The following LRRC28 variants were observed in gnomAD, a reference collection of about 807,000 sequenced individuals.
The protein encoded by LRRC28 is leucine-rich repeat-containing protein 28.
LRRC28 carries 39 observed loss-of-function variants against 45.7 expected under a neutral mutation model. The ratio of observed to expected loss-of-function variants is 0.85; its 90% CI spans 0.66 to 1.12. The LOEUF (loss-of-function observed/expected upper bound fraction) is 1.12. Ranked by LOEUF, LRRC28 falls within the 50% of genes most tolerant of loss-of-function variation. The pLI is 0.00. For missense variants in LRRC28, 435 were observed against 438.5 expected (o/e 0.99, Z 0.07); for synonymous variants, 206 against 178.8 (o/e 1.15, Z -1.22).
Position 99,361,327 on chromosome 15 carries a change from T to C in LRRC28, c.696-9T>C. 2 of 1,607,386 alleles carry C rather than the reference T, an allele frequency of 1.2e-6. No individual in the cohort carries two copies. Among genetic ancestry groups the C allele is most frequent in the Non-Finnish European group, 1.7e-6 (2 of 1,177,566 alleles). ...GCTAATAATACTGTGAATGTGTGTC[T>C]TTCTGCAGCTGTGGTGCTCCCATTC... On this transcript the variant is annotated splice_polypyrimidine_tract_variant and intron_variant, in intron 7 of 9. Transcript: ENST00000301981.
intron 5 of LRRC28, among the ~76,000 whole-genome samples, chr15:99,318,408 G>C (rs1955673823): frequency 6.6e-6 from 1 of 151,980 alleles, no homozygotes; most frequent in African/African-American, 2.4e-5. Flanking sequence ...TGTGTGTGAG[G>C]AGGCACCATT....
At chr15:99,258,702 C>A in intron 2 of LRRC28, 1 of 713,176 alleles carries the variant, frequency 1.4e-6, no homozygotes, top group South Asian at 1.4e-5. Context: ...AAATCATTTT[C>A]AAAGGAAAGT....
chr15:99,359,561 A>T (rs551531783), intron 7 of LRRC28, among the ~76,000 whole-genome samples: 6 of 152,196 alleles, frequency 3.9e-5, no homozygotes, highest in Non-Finnish European at 7.4e-5. Flanking sequence ...TTTCTTACCA[A>T]TCTTTTTGGA....
chr15:99,310,647 T>G (rs2152263997), intron 5 of LRRC28, among the ~76,000 whole-genome samples: 1 of 152,278 alleles, frequency 6.6e-6, no homozygotes. Context: ...AAATCGAGGG[T>G]GTTGAAAATT....
At chr15:99,298,149 C>T (rs950875017) in intron 5 of LRRC28, among the ~76,000 whole-genome samples, 2 of 152,126 alleles carry the variant, frequency 1.3e-5, no homozygotes, top group African/African-American at 2.4e-5. Flanking sequence ...TTCCAGGGTG[C>T]GTTCCTTTGT....
At chr15:99,278,657 C>T (rs1227764822) in intron 3 of LRRC28, among the ~76,000 whole-genome samples, 1 of 152,206 alleles carries the variant, frequency 6.6e-6, no homozygotes, top group Non-Finnish European at 1.5e-5. Context: ...CAAATATTCA[C>T]CTTTTTAATT....
intron 1 of LRRC28, among the ~76,000 whole-genome samples, chr15:99,252,292 A>G (rs1295722607): frequency 6.6e-6 from 1 of 152,242 alleles, no homozygotes; most frequent in Non-Finnish European, 1.5e-5. Context: ...GCATACTGCA[A>G]AACTGTGAGC....
At chr15:99,260,252 T>C (rs1445777549) in intron 2 of LRRC28, among the ~76,000 whole-genome samples, 1 of 152,200 alleles carries the variant, frequency 6.6e-6, no homozygotes, top group Non-Finnish European at 1.5e-5. Flanking sequence ...TGTAAAATCT[T>C]GTCATGTATA....
At chr15:99,304,374 G>A (rs891391324) in intron 5 of LRRC28, among the ~76,000 whole-genome samples, 1 of 151,610 alleles carries the variant, frequency 6.6e-6, no homozygotes, top group African/African-American at 2.4e-5. Flanking sequence ...GTCTTTTGAA[G>A]AGCAAAACTT....
At position 99,352,609 on chromosome 15, in the gene LRRC28, A is replaced by G. The variant is rs1329938411; in HGVS notation, c.695+138A>G. On this transcript the variant is annotated intron_variant, in intron 7 of 9. Transcript: ENST00000301981. Reference sequence around the variant, plus strand: ...AAGGATATTGGGCAGGCAGTTTGGAATATTGCACATTGGGTTCAGTCAGTA... The same window carrying G: ...AAGGATATTGGGCAGGCAGTTTGGAGTATTGCACATTGGGTTCAGTCAGTA... The G allele has an allele frequency of 1.0e-5, 6 of 602,830 alleles. No individual in the cohort carries two copies. The East Asian group carries it at 1.7e-4, about 17-fold the overall frequency. 37.3% of individuals were successfully genotyped at this position (602,830 alleles called of 1,614,324 possible). A position where few individuals can be genotyped will look rare whatever the true frequency, so the allele number is the denominator to read the frequency against.
chr15:99,254,558 A>C (rs1470405632), intron 1 of LRRC28, among the ~76,000 whole-genome samples: 1 of 152,214 alleles, frequency 6.6e-6, no homozygotes, highest in Non-Finnish European at 1.5e-5. Flanking sequence ...GCAGAGCTCA[A>C]CTTCTTTGTA....
rs193002637 is a variant in LRRC28, at chr15:99,265,955, G to C, written c.168+9830G>C. On this transcript the variant is annotated intron_variant, in intron 2 of 9. Coordinates refer to ENST00000301981, the MANE Select transcript of LRRC28 (RefSeq NM_144598.5). ...AGAGTAACTTGCCCAAATACTGATA[G>C]AGCTCTCACTACTTGCTAATTTTAT... is the stretch of plus-strand genomic sequence containing the variant. Among the ~76,000 whole-genome samples, 67 of 152,286 alleles carry C rather than the reference G, an allele frequency of 4.4e-4. No homozygotes were observed. In the East Asian group the frequency reaches 9.6e-3, roughly 22 times the overall value.
intron 5 of LRRC28, among the ~76,000 whole-genome samples, chr15:99,310,339 A>C (rs1307748962): frequency 6.6e-6 from 1 of 152,264 alleles, no homozygotes; most frequent in East Asian, 1.9e-4. Context: ...ATGGAATTTT[A>C]AAAACCAACA....
intron 7 of LRRC28, among the ~76,000 whole-genome samples, chr15:99,355,123 T>C (rs993366576): frequency 2.6e-5 from 4 of 152,252 alleles, no homozygotes; most frequent in Non-Finnish European, 4.4e-5. Flanking sequence ...CTCATAAAAT[T>C]CTTTTGTATT....
At chr15:99,342,531 T>C (rs966289183) in intron 6 of LRRC28, among the ~76,000 whole-genome samples, 1 of 152,190 alleles carries the variant, frequency 6.6e-6, no homozygotes, top group African/African-American at 2.4e-5. Context: ...AAAACACATA[T>C]CACTTACAAA....
rs1958153610 is a variant in LRRC28 at position 99,390,518 on chromosome 15, A to G, written c.*4416A>G. On this transcript the variant is annotated 3_prime_UTR_variant, in exon 10 of 10. Transcript: ENST00000301981. ...GATTTTTGAGTCTAAATGATCCAAG[A>G]TTTTTAAAATAGATACATAATGAAA... 1.3e-5 allele frequency: 2 copies of G among 152,244 alleles called. No individual in the cohort carries two copies. The highest frequency in any genetic ancestry group is 2.4e-5 in the African/African-American group (1 of 41,462). 9.4% of individuals were successfully genotyped at this position (152,244 alleles called of 1,614,324 possible).
At chr15:99,338,495 A>G (rs1049741766) in intron 6 of LRRC28, 1 of 152,184 alleles carries the variant, frequency 6.6e-6, no homozygotes, top group African/African-American at 2.4e-5. Flanking sequence ...GTGTACCCCT[A>G]AGGTTTTCAA....
At chr15:99,263,084 C>T (rs901079276) in intron 2 of LRRC28, among the ~76,000 whole-genome samples, 2 of 150,146 alleles carry the variant, frequency 1.3e-5, no homozygotes, top group African/African-American at 2.5e-5. Flanking sequence ...CTGAGGCAGG[C>T]GGATCACTTG....
intron 2 of LRRC28, among the ~76,000 whole-genome samples, chr15:99,274,049 A>G (rs2081553696): frequency 1.3e-5 from 2 of 152,252 alleles, no homozygotes; most frequent in South Asian, 4.1e-4. Flanking sequence ...CACAAGGAAC[A>G]TCTGAGAAAT....
Sources: allele counts gnomAD v4.1 joint callset (sites outside exome capture counted in the v4.1 genomes callset), GRCh38; gene constraint gnomAD v4.1.1; transcripts MANE v1.5; gene names NCBI Gene and HGNC (gene_info 2026-07-23, HGNC 2026-07-21).